LUZP2: variants seen among roughly 807,000 people sequenced by gnomAD.
The protein encoded by LUZP2 is leucine zipper protein 2.
In LUZP2, 52 loss-of-function variants were observed where a neutral mutation model predicts 51.6. The ratio of observed to expected loss-of-function variants is 1.01; its 90% confidence interval spans 0.81 to 1.27. The LOEUF is 1.27. LUZP2 is among the 50% of genes most tolerant of loss of function. The pLI is 0.00. For synonymous variants in LUZP2, 154 were observed against 137.3 expected (o/e 1.12, Z -0.85); for missense variants, 436 against 395.4 (o/e 1.10, Z -0.87).
At chr11:24,973,217 G>C (rs1233547355) in intron 7 of LUZP2, among the ~76,000 whole-genome samples, 1 of 151,290 alleles carries the variant, frequency 6.6e-6, no homozygotes, top group Non-Finnish European at 1.5e-5. Context: ...GAATTTTCTA[G>C]TTTATGTGCA....
intron 5 of LUZP2, among the ~76,000 whole-genome samples, chr11:24,855,545 G>A (rs1421229533): frequency 6.6e-6 from 1 of 152,114 alleles, no homozygotes; most frequent in Admixed American, 6.6e-5. Context: ...AGTGTACAAA[G>A]CAATTTACAA....
At chr11:25,059,320 C>T (rs1858769611) in intron 10 of LUZP2, among the ~76,000 whole-genome samples, 1 of 152,108 alleles carries the variant, frequency 6.6e-6, no homozygotes, top group Admixed American at 6.5e-5. Context: ...GTTATTCCAT[C>T]TGCTTTAATT....
intron 5 of LUZP2, among the ~76,000 whole-genome samples, chr11:24,901,587 C>T (rs200232608): frequency 3.3e-4 from 50 of 152,244 alleles, no homozygotes; most frequent in Middle Eastern, 3.4e-3. Context: ...CCTCTGAGTT[C>T]GCTCTTCAAA....
At chr11:24,697,716 T>A (rs1229043526) in intron 1 of LUZP2, among the ~76,000 whole-genome samples, 1 of 152,196 alleles carries the variant, frequency 6.6e-6, no homozygotes, top group Admixed American at 6.5e-5. Flanking sequence ...AGTTAAGCAA[T>A]AACCAGCCAT....
intron 1 of LUZP2, among the ~76,000 whole-genome samples, chr11:24,562,345 T>C (rs11028019): frequency 0.074 from 11,277 of 152,068 alleles, 568 homozygotes; most frequent in Admixed American, 0.13. Flanking sequence ...GATTCTAGAC[T>C]GTAACTTAAT....
At chr11:24,693,785 C>T (rs4465367) in intron 1 of LUZP2, among the ~76,000 whole-genome samples, 6,209 of 151,862 alleles carry the variant, frequency 0.041, 146 homozygotes, top group African/African-American at 0.06. Flanking sequence ...TATATGAATA[C>T]ATTTAAAAGC....
At chr11:24,916,537 A>C (rs1237723823) in intron 7 of LUZP2, among the ~76,000 whole-genome samples, 1 of 151,610 alleles carries the variant, frequency 6.6e-6, no homozygotes, top group African/African-American at 2.4e-5. Flanking sequence ...TCCTGTGTCC[A>C]CATGTTCTCA....
At chr11:24,708,479 C>T (rs1857688959) in intron 1 of LUZP2, among the ~76,000 whole-genome samples, 1 of 152,020 alleles carries the variant, frequency 6.6e-6, no homozygotes, top group South Asian at 2.1e-4. Flanking sequence ...CAATGTTGCC[C>T]CGAAAAGCAG....
chr11:24,561,724 T>A (rs1852047156), intron 1 of LUZP2, among the ~76,000 whole-genome samples: 1 of 151,798 alleles, frequency 6.6e-6, no homozygotes, highest in East Asian at 1.9e-4. Flanking sequence ...CTAATGCAGA[T>A]CATGGGTTGA....
chr11:24,918,414 G>T (rs11028273), intron 7 of LUZP2, among the ~76,000 whole-genome samples: 1 of 151,338 alleles, frequency 6.6e-6, no homozygotes, highest in Non-Finnish European at 1.5e-5. Flanking sequence ...CTCTTGTGCC[G>T]GTTTTCAAAG....
At chr11:24,667,874 A>G (rs1054114709) in intron 1 of LUZP2, among the ~76,000 whole-genome samples, 3 of 152,220 alleles carry the variant, frequency 2.0e-5, no homozygotes, top group Non-Finnish European at 2.9e-5. Flanking sequence ...GACTCCTTTC[A>G]GAGAAATAAA....
At chr11:24,698,383 T>G (rs1387467890) in intron 1 of LUZP2, among the ~76,000 whole-genome samples, 1 of 152,222 alleles carries the variant, frequency 6.6e-6, no homozygotes, top group Non-Finnish European at 1.5e-5. Flanking sequence ...ATTGATGCAC[T>G]TTTGCTTTGA....
At chr11:24,808,751 G>A (rs1041559986) in intron 5 of LUZP2, among the ~76,000 whole-genome samples, 1 of 152,038 alleles carries the variant, frequency 6.6e-6, no homozygotes, top group Non-Finnish European at 1.5e-5. Flanking sequence ...TTGGTGTACT[G>A]GAGTCACATG....
intron 8 of LUZP2, among the ~76,000 whole-genome samples, chr11:24,977,239 A>G (rs1855904584): frequency 6.6e-6 from 1 of 151,666 alleles, no homozygotes; most frequent in South Asian, 2.1e-4. Context: ...AGTAATTAAA[A>G]TATAATATTA....
chr11:24,645,015 G>A (rs1472934353), intron 1 of LUZP2, among the ~76,000 whole-genome samples: 3 of 152,130 alleles, frequency 2.0e-5, no homozygotes, highest in South Asian at 2.1e-4. Flanking sequence ...TGCCCTTTTT[G>A]TATTTTTGTG....
intron 1 of LUZP2, among the ~76,000 whole-genome samples, chr11:24,619,014 T>TTATA (rs1167959505): frequency 3.0e-5 from 3 of 99,128 alleles, no homozygotes; most frequent in Admixed American, 2.6e-4. Flanking sequence ...CATTATTTAT[T>TTATA]TATTTATTTA....
intron 7 of LUZP2, among the ~76,000 whole-genome samples, chr11:24,948,802 CTCTATCTATCTATCTATCTATCATCTA>C (rs1422626382): frequency 4.9e-5 from 6 of 123,680 alleles, no homozygotes; most frequent in African/African-American, 1.5e-4. Flanking sequence ...CCTCTTGAAA[CTCTATCTATCTATCTATCTATCATCTA>C]TCTATCTATC....
At chr11:24,837,399 T>C (rs1381634549) in intron 5 of LUZP2, among the ~76,000 whole-genome samples, 1 of 151,586 alleles carries the variant, frequency 6.6e-6, no homozygotes, top group African/African-American at 2.4e-5. Context: ...TTTTTTTCAC[T>C]GATCGTCTGA....
intron 1 of LUZP2, among the ~76,000 whole-genome samples, chr11:24,694,789 G>T (rs1189289080): frequency 6.6e-6 from 1 of 151,994 alleles, no homozygotes; most frequent in Non-Finnish European, 1.5e-5. Context: ...GATGAAGCTG[G>T]AAACCATTAT....
Sources: allele counts gnomAD v4.1 joint callset (sites outside exome capture counted in the v4.1 genomes callset), GRCh38; gene constraint gnomAD v4.1.1; transcripts MANE v1.5; gene names NCBI Gene and HGNC (gene_info 2026-07-23, HGNC 2026-07-21).